TMEM117: variants seen among roughly 807,000 people sequenced by gnomAD.
The protein encoded by TMEM117 is transmembrane protein 117.
TMEM117 carries 27 observed loss-of-function variants against 52.4 expected under a neutral mutation model. The ratio of observed to expected loss-of-function variants is 0.51; its 90% CI spans 0.38 to 0.71. The LOEUF is 0.71. Ranked by LOEUF, TMEM117 falls within the 30% of genes least tolerant of loss-of-function variation. TMEM117 has a pLI of 0.00. For synonymous variants in TMEM117, 215 were observed against 206.3 expected (o/e 1.04, Z -0.36); for missense variants, 556 against 630.5 (o/e 0.88, Z 1.26).
At chr12:43,894,499 C>T (rs1051062716) in intron 2 of TMEM117, among the ~76,000 whole-genome samples, 1 of 151,650 alleles carries the variant, frequency 6.6e-6, no homozygotes, top group African/African-American at 2.4e-5. Flanking sequence ...ATTTCATCAC[C>T]CAGGTATTAA....
chr12:43,797,478 C>A, the TMEM117 span: 3 of 1,524,604 alleles, frequency 2.0e-6, no homozygotes, highest in South Asian at 3.8e-5. Context: ...AAAATATGTT[C>A]ATTAAAACCA....
At chr12:44,135,937 G>A (rs1404228247) in intron 3 of TMEM117, among the ~76,000 whole-genome samples, 1 of 152,074 alleles carries the variant, frequency 6.6e-6, no homozygotes, top group East Asian at 1.9e-4. Flanking sequence ...CAAAATCTTT[G>A]CAAAACTTGT....
chr12:44,278,747 C>T (rs1449824249), intron 5 of TMEM117, among the ~76,000 whole-genome samples: 2 of 152,178 alleles, frequency 1.3e-5, no homozygotes, highest in African/African-American at 4.8e-5. Flanking sequence ...CCATAAATAT[C>T]TAACCTTATT....
At chr12:44,303,104 C>T (rs1021958188) in intron 6 of TMEM117, among the ~76,000 whole-genome samples, 10 of 151,696 alleles carry the variant, frequency 6.6e-5, no homozygotes, top group East Asian at 3.9e-4. Flanking sequence ...AGTGCAATGG[C>T]GTGATCTCGG....
At position 44,037,541 on chromosome 12, in the gene TMEM117, C is replaced by T. The variant is rs569960242; in HGVS notation, c.410+93199C>T. Among the ~76,000 whole-genome samples, 5 of 152,260 alleles carry T rather than the reference C, an allele frequency of 3.3e-5. No individual in the cohort carries two copies. The East Asian group carries it at 7.7e-4, about 24-fold the overall frequency. On this transcript the variant is annotated intron_variant, in intron 3 of 7. Coordinates refer to ENST00000266534, the MANE Select transcript of TMEM117 (RefSeq NM_032256.3). ...GCTCCTAGGCAGAAAGGGGTGGGTCCCCTGTGAAGCCCCATCTTCAAACCA... is the reference window on the plus strand; with the variant it reads ...GCTCCTAGGCAGAAAGGGGTGGGTCTCCTGTGAAGCCCCATCTTCAAACCA...
chr12:43,802,250 AT>A, the TMEM117 span: 1 of 1,395,448 alleles, frequency 7.2e-7, no homozygotes, highest in South Asian at 1.5e-5. Context: ...TTTTTCTAGC[AT>A]TTAATGTTAA....
intron 3 of TMEM117, among the ~76,000 whole-genome samples, chr12:43,952,452 C>G (rs1483883951): frequency 6.6e-6 from 1 of 151,962 alleles, no homozygotes; most frequent in African/African-American, 2.4e-5. Flanking sequence ...CATAAATGAC[C>G]TGATGGGTCT....
At chr12:43,855,541 G>C (rs1163378264) in intron 2 of TMEM117, among the ~76,000 whole-genome samples, 1 of 152,060 alleles carries the variant, frequency 6.6e-6, no homozygotes, top group African/African-American at 2.4e-5. Flanking sequence ...TACTTTTCTT[G>C]TGTTTATATT....
intron 2 of TMEM117, among the ~76,000 whole-genome samples, chr12:43,919,041 C>T (rs1401524521): frequency 2.0e-5 from 3 of 152,158 alleles, no homozygotes; most frequent in Non-Finnish European, 2.9e-5. Flanking sequence ...TTCCCTAGTT[C>T]AAAAACTTCG....
chr12:44,042,119 T>C (rs1012978546), intron 3 of TMEM117, among the ~76,000 whole-genome samples: 1 of 152,214 alleles, frequency 6.6e-6, no homozygotes, highest in Non-Finnish European at 1.5e-5. Context: ...CAAAGGCTCA[T>C]AGATCTGATG....
intron 3 of TMEM117, among the ~76,000 whole-genome samples, chr12:44,074,233 A>G (rs966085163): frequency 8.5e-5 from 13 of 152,200 alleles, no homozygotes; most frequent in African/African-American, 3.1e-4. Flanking sequence ...TTTTTCATCC[A>G]AAACGGGACA....
chr12:44,143,470 C>A, intron 3 of TMEM117, 55 bp from the exon 4 acceptor site: 1 of 1,406,300 alleles, frequency 7.1e-7, no homozygotes, highest in Non-Finnish European at 9.9e-7. Flanking sequence ...ACCAGAAAGC[C>A]TTAACTGTAT....
At chr12:43,884,583 T>G (rs911922926) in intron 2 of TMEM117, among the ~76,000 whole-genome samples, 4 of 152,124 alleles carry the variant, frequency 2.6e-5, no homozygotes, top group Non-Finnish European at 4.4e-5. Flanking sequence ...TAGGGAAGGA[T>G]TCATTTAAGT....
At chr12:44,340,494 T>C (rs1951402344) in intron 6 of TMEM117, among the ~76,000 whole-genome samples, 1 of 152,130 alleles carries the variant, frequency 6.6e-6, no homozygotes, top group African/African-American at 2.4e-5. Flanking sequence ...CCGTTCTCAG[T>C]AACATCTGTG....
At chr12:44,146,436 C>A (rs12809251) in intron 4 of TMEM117, among the ~76,000 whole-genome samples, 1 of 152,152 alleles carries the variant, frequency 6.6e-6, no homozygotes, top group Admixed American at 6.5e-5. Flanking sequence ...ACCTAACCCC[C>A]TGGGGCCTTT....
intron 2 of TMEM117, among the ~76,000 whole-genome samples, chr12:43,917,532 C>A (rs1944626136): frequency 6.6e-6 from 1 of 152,088 alleles, no homozygotes; most frequent in African/African-American, 2.4e-5. Flanking sequence ...AACTGTCACC[C>A]CAGTGGGCAG....
rs1947353539 is a variant in TMEM117 at position 44,074,663 on chromosome 12, T to C, written c.411-68862T>C. ...TGTCTGACTTGGGACTTTATCATGA[T>C]ACAAATGTATATATATCATATACAT... On this transcript the variant is annotated intron_variant, in intron 3 of 7. Coordinates refer to ENST00000266534, the MANE Select transcript of TMEM117 (RefSeq NM_032256.3). 1.3e-5 allele frequency among the ~76,000 whole-genome samples: 2 copies of C among 152,166 alleles called. 1 individual carries two copies. Among genetic ancestry groups the C allele is most frequent in the Admixed American group, 1.3e-4 (2 of 15,272 alleles).
chr12:43,959,591 T>G (rs1945369040), intron 3 of TMEM117, among the ~76,000 whole-genome samples: 1 of 152,210 alleles, frequency 6.6e-6, no homozygotes, highest in Non-Finnish European at 1.5e-5. Flanking sequence ...TGCACATTTT[T>G]ACTGATAAGA....
At chr12:44,260,446 A>G (rs1388496605) in intron 5 of TMEM117, among the ~76,000 whole-genome samples, 1 of 152,214 alleles carries the variant, frequency 6.6e-6, no homozygotes, top group Admixed American at 6.5e-5. Flanking sequence ...TGTAATTCAT[A>G]CTTACAAAGA....
Sources: gnomAD v4.1 joint callset for allele counts (sites outside exome capture counted in the v4.1 genomes callset) on GRCh38, gnomAD v4.1.1 for gene constraint, MANE v1.5 for transcripts, NCBI Gene and HGNC (gene_info 2026-07-23, HGNC 2026-07-21) for gene names.